Variants in ROBO2 observed in about 807,000 individuals in gnomAD.
The protein encoded by ROBO2 is roundabout guidance receptor 2, also known as roundabout homolog 2.
ROBO2 carries 53 observed loss-of-function variants against 160.8 expected under a neutral mutation model. The observed-to-expected ratio is 0.33, with a 90% CI of 0.26 to 0.41. ROBO2 has a LOEUF of 0.41. Among genes scored for constraint, ROBO2 ranks in the 10% least tolerant of loss-of-function variants. ROBO2 has a pLI of 1.00. For synonymous variants in ROBO2, 664 were observed against 611.7 expected, an observed-to-expected ratio of 1.09 and a Z score of -1.26; for missense variants, 1,577 against 1,722.4, an observed-to-expected ratio of 0.92 and a Z score of 1.49.
At chr3:77,124,666 T>C (rs1560061288) in intron 2 of ROBO2, among the ~76,000 whole-genome samples, 1 of 152,152 alleles carries the variant, frequency 6.6e-6, no homozygotes, top group East Asian at 1.9e-4. Flanking sequence ...TCACTTTTGG[T>C]AATAGGTATA....
intron 2 of ROBO2, among the ~76,000 whole-genome samples, chr3:76,161,616 C>G (rs1344939322): frequency 1.3e-5 from 2 of 152,112 alleles, no homozygotes; most frequent in Non-Finnish European, 1.5e-5. Context: ...TCTTCTGGTT[C>G]TCTTTTTCTC....
chr3:77,002,749 A>G (rs1282968395), intron 2 of ROBO2, among the ~76,000 whole-genome samples: 1 of 152,118 alleles, frequency 6.6e-6, no homozygotes, highest in African/African-American at 2.4e-5. Flanking sequence ...TATTAATTTA[A>G]TTGTGGTTTA....
intron 1 of ROBO2, among the ~76,000 whole-genome samples, chr3:75,928,413 T>G (rs1332983487): frequency 6.6e-6 from 1 of 152,252 alleles, no homozygotes; most frequent in African/African-American, 2.4e-5. Context: ...AATAGATCTT[T>G]CATTTTAACA....
chr3:77,550,180 T>C (rs891465370), intron 7 of ROBO2, among the ~76,000 whole-genome samples: 2 of 152,076 alleles, frequency 1.3e-5, no homozygotes, highest in African/African-American at 4.8e-5. Context: ...AACACACTTT[T>C]AGAAACATTC....
At chr3:77,279,435 CA>C (rs1478517530) in intron 2 of ROBO2, among the ~76,000 whole-genome samples, 2 of 152,092 alleles carry the variant, frequency 1.3e-5, no homozygotes, top group African/African-American at 4.8e-5. Context: ...TTGAAAAAGA[CA>C]TTTGAATATG....
At chr3:77,088,116 C>A (rs2069598475) in intron 1 of ROBO2, among the ~76,000 whole-genome samples, 1 of 152,040 alleles carries the variant, frequency 6.6e-6, no homozygotes, top group East Asian at 1.9e-4. Context: ...TAAGACTTAG[C>A]TGATAAAGGC....
chr3:76,246,322 A>G (rs529233557), intron 2 of ROBO2, among the ~76,000 whole-genome samples: 1 of 152,242 alleles, frequency 6.6e-6, no homozygotes, highest in East Asian at 1.9e-4. Flanking sequence ...CACAGGGTAT[A>G]ATTCAATTGT....
chr3:75,990,865 G>A (rs1466805838), intron 2 of ROBO2, among the ~76,000 whole-genome samples: 1 of 152,120 alleles, frequency 6.6e-6, no homozygotes, highest in African/African-American at 2.4e-5. Context: ...TAAGAGATTA[G>A]TACTTGAATC....
chr3:76,963,641 T>C (rs1246593499), intron 2 of ROBO2, among the ~76,000 whole-genome samples: 1 of 152,032 alleles, frequency 6.6e-6, no homozygotes, highest in East Asian at 1.9e-4. Context: ...GATTTTATAA[T>C]AAAAGCGATA....
chr3:76,229,309 C>T (rs907806597), intron 2 of ROBO2, among the ~76,000 whole-genome samples: 2 of 151,904 alleles, frequency 1.3e-5, no homozygotes, highest in East Asian at 3.9e-4. Flanking sequence ...ATTTCAATAT[C>T]TTAGCAAATC....
At chr3:76,471,270 A>C (rs577707730) in intron 2 of ROBO2, among the ~76,000 whole-genome samples, 1 of 152,312 alleles carries the variant, frequency 6.6e-6, no homozygotes, top group Non-Finnish European at 1.5e-5. Flanking sequence ...GGATAAGAAG[A>C]AGCACTTATT....
chr3:76,814,098 T>C (rs2065445229), intron 2 of ROBO2, among the ~76,000 whole-genome samples: 1 of 152,082 alleles, frequency 6.6e-6, no homozygotes, highest in Admixed American at 6.6e-5. Flanking sequence ...AAAAACTAGA[T>C]GGGCAAATTA....
chr3:77,331,766 C>T (rs559145381), intron 2 of ROBO2, among the ~76,000 whole-genome samples: 7 of 152,114 alleles, frequency 4.6e-5, no homozygotes, highest in South Asian at 2.1e-4. Flanking sequence ...TGCAGTGGCG[C>T]GATATGTCGG....
intron 2 of ROBO2, among the ~76,000 whole-genome samples, chr3:75,972,224 A>G (rs1171342073): frequency 6.6e-6 from 1 of 151,708 alleles, no homozygotes; most frequent in Non-Finnish European, 1.5e-5. Context: ...AGAGTTATGA[A>G]ATATGCATAG....
chr3:76,282,172 A>C (rs111955563), intron 2 of ROBO2, among the ~76,000 whole-genome samples: 2 of 152,002 alleles, frequency 1.3e-5, no homozygotes, highest in African/African-American at 4.8e-5. Flanking sequence ...TAAGAACTAT[A>C]GTTGGATTTC....
chr3:76,376,230 A>C (rs550019921), intron 2 of ROBO2, among the ~76,000 whole-genome samples: 1 of 152,228 alleles, frequency 6.6e-6, no homozygotes, highest in African/African-American at 2.4e-5. Context: ...CTTTGAACTG[A>C]AACAAATAAT....
At chr3:77,608,950 A>G (rs747607899) in intron 21 of ROBO2, among the ~76,000 whole-genome samples, 4 of 151,844 alleles carry the variant, frequency 2.6e-5, no homozygotes, top group Non-Finnish European at 5.9e-5. Flanking sequence ...TTCTTTGTAC[A>G]TAACTCCTGT....
intron 2 of ROBO2, among the ~76,000 whole-genome samples, chr3:76,604,166 A>C (rs2108994628): frequency 6.6e-6 from 1 of 152,302 alleles, no homozygotes; most frequent in South Asian, 2.1e-4. Context: ...ATTGGTCTGA[A>C]TGTTAAGCAT....
At chr3:76,490,214 T>C (rs773856124) in intron 2 of ROBO2, among the ~76,000 whole-genome samples, 1 of 152,304 alleles carries the variant, frequency 6.6e-6, no homozygotes, top group African/African-American at 2.4e-5. Context: ...TGGATCCCCA[T>C]CACTAAAGTT....
Sources: allele counts gnomAD v4.1 joint callset (sites outside exome capture counted in the v4.1 genomes callset), GRCh38; gene constraint gnomAD v4.1.1; transcripts MANE v1.5; gene names NCBI Gene and HGNC (gene_info 2026-07-23, HGNC 2026-07-21).